GRM3: variants seen among roughly 807,000 people sequenced by gnomAD.
GRM3 encodes glutamate metabotropic receptor 3.
GRM3 carries 26 observed loss-of-function variants against 70.5 expected under a neutral mutation model. That is an observed-to-expected ratio of 0.37 (90% CI 0.27 to 0.51). The LOEUF is 0.51. GRM3 is among the 20% of genes least tolerant of loss of function. The pLI, the probability that GRM3 is intolerant of heterozygous loss-of-function variation, is 0.93. For synonymous variants in GRM3, 443 were observed against 434.9 expected (o/e 1.02, Z -0.23); for missense variants, 859 against 1,123.8 (o/e 0.76, Z 3.37).
At chr7:86,668,189 T>C (rs909799046) in intron 1 of GRM3, among the ~76,000 whole-genome samples, 2 of 152,194 alleles carry the variant, frequency 1.3e-5, no homozygotes, top group Non-Finnish European at 2.9e-5. Context: ...TGTTATAATA[T>C]ACTGTTTCAG....
At chr7:86,732,246 G>A (rs548696134) in intron 1 of GRM3, among the ~76,000 whole-genome samples, 2 of 152,156 alleles carry the variant, frequency 1.3e-5, no homozygotes, top group South Asian at 4.2e-4. Flanking sequence ...GTTAGCAGAC[G>A]AGAAAAAAAC....
intron 1 of GRM3, 132 bp downstream of exon 1, chr7:86,645,004 T>A: frequency 5.1e-6 from 2 of 391,958 alleles, no homozygotes; most frequent in Non-Finnish European, 9.5e-6. Flanking sequence ...CAGTCCTGAC[T>A]GGAGTGGGAA....
At chr7:86,816,912 A>T (rs1242354178) in intron 3 of GRM3, among the ~76,000 whole-genome samples, 1 of 149,504 alleles carries the variant, frequency 6.7e-6, no homozygotes, top group African/African-American at 2.5e-5. Context: ...CTGACAGGAA[A>T]TAGATTAAGA....
At chr7:86,725,150 A>C (rs1795562532) in intron 1 of GRM3, among the ~76,000 whole-genome samples, 1 of 152,134 alleles carries the variant, frequency 6.6e-6, no homozygotes, top group South Asian at 2.1e-4. Context: ...ACATTTCTTA[A>C]GTTCTCTCTT....
intron 1 of GRM3, among the ~76,000 whole-genome samples, chr7:86,695,673 A>G (rs1367966570): frequency 6.6e-6 from 1 of 152,190 alleles, no homozygotes; most frequent in African/African-American, 2.4e-5. Flanking sequence ...AAGTGAAAGT[A>G]ACAATGTCTA....
chr7:86,735,980 A>G (rs1795848068), intron 1 of GRM3, among the ~76,000 whole-genome samples: 1 of 152,194 alleles, frequency 6.6e-6, no homozygotes, highest in Non-Finnish European at 1.5e-5. Flanking sequence ...AGACTTGCCC[A>G]AGGCTGTATG....
chr7:86,719,660 A>G (rs1195014125), intron 1 of GRM3, among the ~76,000 whole-genome samples: 5 of 152,074 alleles, frequency 3.3e-5, no homozygotes, highest in Admixed American at 6.6e-5. Context: ...ATGACATAGC[A>G]CTGACTATGT....
chr7:86,846,995 T>C (rs6967992), intron 4 of GRM3, among the ~76,000 whole-genome samples: 16,983 of 152,158 alleles, frequency 0.11, 1,650 homozygotes, highest in African/African-American at 0.27. Context: ...AGAGTGTCAA[T>C]ATTTGCACAG....
chr7:86,710,051 C>G (rs1795157618), intron 1 of GRM3: 1 of 152,088 alleles, frequency 6.6e-6, no homozygotes, highest in Non-Finnish European at 1.5e-5. Context: ...CGAGCATTTT[C>G]TTCTATCTCA....
In GRM3 at chr7:86,644,813, T is replaced by C. The variant is rs1793414625; in HGVS notation, c.-200T>C. The C allele has an allele frequency of 7.8e-7, 1 of 1,289,748 alleles. No homozygotes were observed. The highest frequency in any genetic ancestry group is 5.6e-5 in the East Asian group (1 of 18,006). 79.9% of individuals were successfully genotyped at this position (1,289,748 alleles called of 1,614,324 possible). A position where few individuals can be genotyped will look rare whatever the true frequency, so the allele number is the denominator to read the frequency against. On this transcript the variant is annotated 5_prime_UTR_variant, in exon 1 of 6. Transcript: ENST00000361669. ...CATGAGCCAGAGCCCGGGTGCAGGC[T>C]CACCGCCGCCGCTGCCACCGCGGTC...
chr7:86,831,490 T>C (rs1014509468), intron 3 of GRM3, among the ~76,000 whole-genome samples: 1 of 152,152 alleles, frequency 6.6e-6, no homozygotes, highest in Non-Finnish European at 1.5e-5. Flanking sequence ...TAAGCAAAGA[T>C]TCAATGACCA....
rs149006734 is a variant in GRM3, at chr7:86,743,856, A to G, written c.-140-21150A>G. Among the ~76,000 whole-genome samples the G allele has an allele frequency of 3.2e-3, 487 of 152,240 alleles. 3 individuals carry two copies. Among genetic ancestry groups the G allele is most frequent in the African/African-American group, 0.011 (455 of 41,556 alleles). ...ATTAACTTCAAGTCTGACTCAAACCACTTCCATATGTAATTCCTCAAGAAG... is the reference window on the plus strand; with the variant it reads ...ATTAACTTCAAGTCTGACTCAAACCGCTTCCATATGTAATTCCTCAAGAAG... On this transcript the variant is annotated intron_variant, in intron 1 of 5. Transcript: ENST00000361669.
chr7:86,779,339 T>G (rs1276559605), intron 2 of GRM3, among the ~76,000 whole-genome samples: 2 of 152,138 alleles, frequency 1.3e-5, no homozygotes, highest in Non-Finnish European at 2.9e-5. Context: ...ACAATAAAAT[T>G]GTTTATCAGT....
chr7:86,693,757 A>T (rs2116044817), intron 1 of GRM3, among the ~76,000 whole-genome samples: 1 of 152,322 alleles, frequency 6.6e-6, no homozygotes, highest in East Asian at 1.9e-4. Flanking sequence ...ATAGAAACTC[A>T]ATTCATTGCA....
chr7:86,833,435 C>G (rs534741398), intron 3 of GRM3, among the ~76,000 whole-genome samples: 40 of 152,098 alleles, frequency 2.6e-4, no homozygotes, highest in Admixed American at 7.9e-4. Context: ...AAGAACTATA[C>G]AACTGATTGT....
intron 1 of GRM3, among the ~76,000 whole-genome samples, chr7:86,745,315 G>A (rs1434202608): frequency 1.3e-5 from 2 of 152,026 alleles, no homozygotes; most frequent in Non-Finnish European, 2.9e-5. Flanking sequence ...TGTGACATTG[G>A]CCAAAGGATA....
chr7:86,832,312 G>A (rs1398368529), intron 3 of GRM3, among the ~76,000 whole-genome samples: 14 of 146,690 alleles, frequency 9.5e-5, no homozygotes, highest in Middle Eastern at 3.5e-3. Context: ...GTGCAATGGC[G>A]CGATCTCAGC....
At chr7:86,814,785 T>A (rs1043193170) in intron 3 of GRM3, among the ~76,000 whole-genome samples, 3 of 151,226 alleles carry the variant, frequency 2.0e-5, no homozygotes, top group Non-Finnish European at 4.4e-5. Flanking sequence ...TGATTGCTGG[T>A]GTAAATTATC....
rs1034370698 is a variant in GRM3 at position 86,644,431 on chromosome 7, G to T, written c.-582G>T. On this transcript the variant is annotated 5_prime_UTR_variant, in exon 1 of 6. Transcript: ENST00000361669. ...TTCAGCCTGGTCAAGGTGAAGGAAA[G>T]TTGCTTCCGCGCCTAGGAAGTGGGT... is the stretch of plus-strand genomic sequence containing the variant. The T allele has an allele frequency of 5.9e-6, 2 of 337,760 alleles. No individual in the cohort carries two copies. The highest frequency in any genetic ancestry group is 1.2e-5 in the Non-Finnish European group (2 of 172,348). 20.9% of individuals were successfully genotyped at this position (337,760 alleles called of 1,614,324 possible).
Sources: allele counts gnomAD v4.1 joint callset (sites outside exome capture counted in the v4.1 genomes callset), GRCh38; gene constraint gnomAD v4.1.1; transcripts MANE v1.5; gene names NCBI Gene and HGNC (gene_info 2026-07-23, HGNC 2026-07-21).